The following PREP variants were observed in gnomAD, a reference collection of about 807,000 sequenced individuals.
PREP encodes the protein dJ355L5.1 (prolyl endopeptidase).
PREP carries 29 observed loss-of-function variants against 87.6 expected under a neutral mutation model. That is an observed-to-expected ratio of 0.33 (90% CI 0.25 to 0.45). PREP has a LOEUF of 0.45. PREP is among the 20% of genes least tolerant of loss of function. PREP has a pLI of 1.00. For missense variants in PREP, 695 were observed against 886.5 expected, an observed-to-expected ratio of 0.78 and a Z score of 2.74; for synonymous variants, 337 against 328.6, an observed-to-expected ratio of 1.03 and a Z score of -0.28.
chr6:105,319,884 T>C (rs952621258), intron 10 of PREP, among the ~76,000 whole-genome samples: 1 of 152,238 alleles, frequency 6.6e-6, no homozygotes, highest in African/African-American at 2.4e-5. Context: ...TCTGTATGTT[T>C]CAACTTTCTA....
Position 105,380,052 on chromosome 6 carries a change from T to A in PREP, c.121-2533A>T, listed in dbSNP as rs1055645102. Among the ~76,000 whole-genome samples, 8 of 152,326 alleles carry A rather than the reference T, an allele frequency of 5.3e-5. No individual in the cohort carries two copies. In the South Asian group the frequency reaches 1.7e-3, roughly 32 times the overall value. On this transcript the variant is annotated intron_variant, in intron 2 of 14. Coordinates refer to ENST00000652536, the MANE Select transcript of PREP (RefSeq NM_002726.5). ...ATTTGACATTACTATGGCATCTTCA[T>A]TATAGTTTGGAAAAACCTCAATCCA...
Position 105,277,936 on chromosome 6 carries a change from A to G in PREP, c.*208T>C. On this transcript the variant is annotated 3_prime_UTR_variant, in exon 15 of 15. Transcript: ENST00000652536. The stretch of plus-strand genomic sequence containing the variant: ...ACACCAAAAAACCACATGTGCCTAG[A>G]CAGGGTGGAAAAAGAAACACCAAGG... 1 of 709,032 alleles carries G rather than the reference A, an allele frequency of 1.4e-6. No homozygotes were observed. The highest frequency in any genetic ancestry group is 2.3e-6 in the Non-Finnish European group (1 of 431,588). 43.9% of individuals were successfully genotyped at this position (709,032 alleles called of 1,614,324 possible). A position where few individuals can be genotyped will look rare whatever the true frequency, so the allele number is the denominator to read the frequency against.
At chr6:105,387,236 AAAG>A (rs1156611090) in intron 2 of PREP, among the ~76,000 whole-genome samples, 1 of 152,118 alleles carries the variant, frequency 6.6e-6, no homozygotes, top group African/African-American at 2.4e-5. Context: ...ACAAAATAAA[AAAG>A]AAGTTGAGAG....
At chr6:105,358,151 C>G (rs1347251306) in intron 6 of PREP, among the ~76,000 whole-genome samples, 2 of 151,778 alleles carry the variant, frequency 1.3e-5, no homozygotes, top group Non-Finnish European at 2.9e-5. Flanking sequence ...GTAAAAATGA[C>G]TTAACTTCAT....
At chr6:105,394,481 C>T (rs1180310427) in intron 2 of PREP, among the ~76,000 whole-genome samples, 1 of 151,672 alleles carries the variant, frequency 6.6e-6, no homozygotes, top group African/African-American at 2.4e-5. Flanking sequence ...TTACTAGGTA[C>T]AAAATATATA....
intron 6 of PREP, among the ~76,000 whole-genome samples, chr6:105,362,322 T>G (rs1233274828): frequency 6.6e-6 from 1 of 152,076 alleles, no homozygotes; most frequent in South Asian, 2.1e-4. Context: ...TTAGCTGGGC[T>G]TGGTGGCGTA....
At chr6:105,364,834 CT>C (rs1772345876) in intron 6 of PREP, among the ~76,000 whole-genome samples, 1 of 152,210 alleles carries the variant, frequency 6.6e-6, no homozygotes, top group South Asian at 2.1e-4. Context: ...ATCACAGACA[CT>C]GTAAAAACTG....
intron 7 of PREP, among the ~76,000 whole-genome samples, chr6:105,345,488 CT>C (rs1414037195): frequency 6.6e-6 from 1 of 152,134 alleles, no homozygotes; most frequent in Non-Finnish European, 1.5e-5. Flanking sequence ...TTATTACTTT[CT>C]TTGAAAAATC....
At chr6:105,312,627 T>G (rs912433951) in intron 10 of PREP, among the ~76,000 whole-genome samples, 47 of 152,208 alleles carry the variant, frequency 3.1e-4, no homozygotes, top group Admixed American at 3.1e-3. Flanking sequence ...ACGAAGAACA[T>G]GAGCACACAT....
intron 12 of PREP, among the ~76,000 whole-genome samples, chr6:105,283,680 G>A (rs1770127574): frequency 6.6e-6 from 1 of 152,166 alleles, no homozygotes; most frequent in South Asian, 2.1e-4. Flanking sequence ...ATTTACCAGT[G>A]TATCATATCC....
At position 105,358,739 on chromosome 6, in the gene PREP, T is replaced by C. The variant is rs149973860; in HGVS notation, c.718-5662A>G. ...CTTGGCTACTCTTTCTTGGCAAAGT[T>C]TCCTCGAATTTAACTTCTCTTTCCA... On this transcript the variant is annotated intron_variant, in intron 6 of 14. Coordinates refer to ENST00000652536, the MANE Select transcript of PREP (RefSeq NM_002726.5). Among the ~76,000 whole-genome samples the C allele has an allele frequency of 1.7e-4, 26 of 152,284 alleles. No homozygotes were observed. In the East Asian group the frequency reaches 5.0e-3, roughly 29 times the overall value.
intron 2 of PREP, among the ~76,000 whole-genome samples, chr6:105,396,327 T>C (rs1259394715): frequency 6.6e-6 from 1 of 152,204 alleles, no homozygotes; most frequent in Non-Finnish European, 1.5e-5. Flanking sequence ...AGCTTTGCAG[T>C]GGGCAAAGGA....
chr6:105,360,935 A>T (rs1383250194), intron 6 of PREP, among the ~76,000 whole-genome samples: 6 of 152,202 alleles, frequency 3.9e-5, no homozygotes, highest in Admixed American at 3.9e-4. Flanking sequence ...TTACACACAC[A>T]CATACATATG....
intron 7 of PREP, among the ~76,000 whole-genome samples, chr6:105,349,722 T>C (rs990609382): frequency 1.3e-5 from 2 of 151,744 alleles, no homozygotes; most frequent in East Asian, 1.9e-4. Context: ...TCAAAAGAGG[T>C]ATAGATTTTA....
intron 7 of PREP, among the ~76,000 whole-genome samples, chr6:105,349,216 G>A (rs1335024742): frequency 6.6e-6 from 1 of 152,160 alleles, no homozygotes; most frequent in East Asian, 1.9e-4. Flanking sequence ...TGCAACAAAT[G>A]TGTTCATATT....
chr6:105,397,925 T>C lies in PREP; in HGVS notation c.48A>G (p.Val16=). 6.2e-7 allele frequency: 1 copy of C among 1,608,132 alleles called. No homozygotes were observed. The highest frequency in any genetic ancestry group is 8.5e-7 in the Non-Finnish European group (1 of 1,174,562). ...AAATTTTATGACCATGATAATCCTG[T>C]ACCTGTAAAAAACAAAATGAGGTAT... ...YPDVYRDETA[V]QDYHGHKICD... The change falls in exon 2 of 15, where the codon GTA becomes GTG. Residue 16 remains valine, a splice_region_variant and synonymous_variant. Coordinates refer to ENST00000652536, the MANE Select transcript of PREP (RefSeq NM_002726.5).
At position 105,368,661 on chromosome 6, in the gene PREP, GT is replaced by G. The variant is rs772959651; in HGVS notation, c.717+241del. 2.6e-4 allele frequency among the ~76,000 whole-genome samples: 39 copies of G among 152,254 alleles called. 1 individual carries two copies. The highest frequency in any genetic ancestry group is 7.4e-5 in the Non-Finnish European group (5 of 68,022). ...GGTACTTTTATAGTTTTTACTAGAA[GT>G]AAAATTACTTTTTTACCCTCAAAGT... On this transcript the variant is annotated intron_variant, in intron 6 of 14. Coordinates refer to ENST00000652536, the MANE Select transcript of PREP (RefSeq NM_002726.5).
chr6:105,281,780 A>C lies in PREP; in HGVS notation c.1804T>G (p.Ser602Ala), dbSNP rs747273777. The C allele has an allele frequency of 1.2e-6, 2 of 1,614,148 alleles. No individual in the cohort carries two copies. The highest frequency in any genetic ancestry group is 4.5e-5 in the East Asian group (2 of 44,884). Residue 602 changes from serine (S) to alanine (A), a missense_variant, in exon 14 of 15, where the codon TCG (serine) becomes GCG (alanine). By Grantham distance (99) the Ser-to-Ala change is moderately conservative. This residue lies in a region of PREP where 121 missense variants were observed against 154.8 expected (regional missense o/e 0.78). Coordinates refer to ENST00000652536, the MANE Select transcript of PREP (RefSeq NM_002726.5). Reference protein sequence around the residue: ...GHAWTTDYGCSDSKQHFEWLV... With the variant: ...GHAWTTDYGCADSKQHFEWLV... ...CATTCAAAGTGTTGTTTGCTGTCCG[A>C]GCACCCATAATCAGTGGTCCAAGCA...
chr6:105,403,066 G>A lies in PREP; in HGVS notation c.-175C>T, dbSNP rs966237258. 3.6e-6 allele frequency: 1 copy of A among 276,712 alleles called. No homozygotes were observed. 17.1% of individuals were successfully genotyped at this position (276,712 alleles called of 1,614,324 possible). The stretch of plus-strand genomic sequence containing the variant: ...ACAAACGGACTGGCGGCGCGGCGGC[G>A]AGGACGTGCAGAAAGCAGGAAGCCG... On this transcript the variant is annotated 5_prime_UTR_variant, in exon 1 of 15. Coordinates refer to ENST00000652536, the MANE Select transcript of PREP (RefSeq NM_002726.5).
Sources: allele counts gnomAD v4.1 joint callset (sites outside exome capture counted in the v4.1 genomes callset), GRCh38; gene constraint gnomAD v4.1.1; regional missense constraint gnomAD v4.1.1; transcripts MANE v1.5; gene names NCBI Gene and HGNC (gene_info 2026-07-23, HGNC 2026-07-21).